PTPRG: variants seen among roughly 807,000 people sequenced by gnomAD.
PTPRG encodes receptor-type tyrosine-protein phosphatase gamma.
In PTPRG, 102 loss-of-function variants were observed where a neutral mutation model predicts 165.3. That is an observed-to-expected ratio of 0.62 (90% CI 0.53 to 0.73). The LOEUF (loss-of-function observed/expected upper bound fraction) is 0.73. PTPRG is among the 30% of genes least tolerant of loss of function. The pLI, the probability that PTPRG is intolerant of heterozygous loss-of-function variation, is 0.00. For synonymous variants in PTPRG, 675 were observed against 669.5 expected (o/e 1.01, Z -0.13); for missense variants, 1,866 against 1,861.4 (o/e 1.00, Z -0.05).
rs141911595 is a variant in PTPRG at position 62,127,789 on chromosome 3, C to T, written c.616-4813C>T. On this transcript the variant is annotated intron_variant, in intron 5 of 29. Transcript: ENST00000474889. ...AAGTAAATGGCAGCACATATCTGAA[C>T]GCAGGCACATGTCGTCTGATGGGGT... is the stretch of plus-strand genomic sequence containing the variant. Among the ~76,000 whole-genome samples the T allele has an allele frequency of 8.1e-3, 1,237 of 152,250 alleles. 9 individuals carry two copies. The highest frequency in any genetic ancestry group is 9.8e-3 in the Non-Finnish European group (668 of 68,018).
At chr3:61,914,696 G>T (rs2038890677) in intron 2 of PTPRG, among the ~76,000 whole-genome samples, 1 of 152,148 alleles carries the variant, frequency 6.6e-6, no homozygotes, top group Middle Eastern at 3.4e-3. Context: ...TTATTTCCAA[G>T]AAATTACAAT....
At chr3:62,089,098 A>G (rs981008723) in intron 5 of PTPRG, among the ~76,000 whole-genome samples, 9 of 152,284 alleles carry the variant, frequency 5.9e-5, no homozygotes, top group South Asian at 2.1e-4. Context: ...AACATTTATG[A>G]TATGTCTCAA....
chr3:61,569,348 C>T (rs1700000907), intron 1 of PTPRG, among the ~76,000 whole-genome samples: 1 of 152,186 alleles, frequency 6.6e-6, no homozygotes, highest in East Asian at 1.9e-4. Flanking sequence ...TTTTCTTCCT[C>T]TGTGAAATGG....
chr3:62,132,587 T>C lies in PTPRG; in HGVS notation c.616-15T>C. The C allele has an allele frequency of 2.5e-6, 4 of 1,586,344 alleles. No individual in the cohort carries two copies. Among genetic ancestry groups the C allele is most frequent in the Non-Finnish European group, 3.5e-6 (4 of 1,154,672 alleles). ...CCAGAATAGATTTAACCAATCATGTTTCCTTTACATTTAGGTCAGTCCGAG... is the reference window on the plus strand; with the variant it reads ...CCAGAATAGATTTAACCAATCATGTCTCCTTTACATTTAGGTCAGTCCGAG... On this transcript the variant is annotated splice_polypyrimidine_tract_variant and intron_variant, in intron 5 of 29. Coordinates refer to ENST00000474889, the MANE Select transcript of PTPRG (RefSeq NM_002841.4).
At chr3:61,681,437 G>C (rs1703437899) in intron 1 of PTPRG, among the ~76,000 whole-genome samples, 1 of 152,188 alleles carries the variant, frequency 6.6e-6, no homozygotes, top group African/African-American at 2.4e-5. Context: ...TCTGCTTTCA[G>C]TTTGTCCTGA....
intron 21 of PTPRG, among the ~76,000 whole-genome samples, chr3:62,272,567 G>T (rs916666970): frequency 1.3e-5 from 2 of 152,152 alleles, no homozygotes; most frequent in Non-Finnish European, 2.9e-5. Context: ...GTTTAGGCTG[G>T]GAGTGGTGGC....
intron 1 of PTPRG, among the ~76,000 whole-genome samples, chr3:61,583,786 A>G (rs961082599): frequency 2.0e-5 from 3 of 151,962 alleles, no homozygotes; most frequent in African/African-American, 7.3e-5. Flanking sequence ...GCTCAGAGCC[A>G]CTCTGATCCT....
chr3:62,007,066 A>G lies in PTPRG; in HGVS notation c.519+3569A>G, dbSNP rs149865047. 8.4e-3 allele frequency among the ~76,000 whole-genome samples: 1,280 copies of G among 152,242 alleles called. 26 individuals are homozygous for G. The highest frequency in any genetic ancestry group is 0.03 in the African/African-American group (1,230 of 41,538). ...CATTGCTGTTCCTGGTTTCTTTAGT[A>G]TCTACTTGAGATGCAGTCACGACCT... On this transcript the variant is annotated intron_variant, in intron 4 of 29. Coordinates refer to ENST00000474889, the MANE Select transcript of PTPRG (RefSeq NM_002841.4).
At position 62,293,154 on chromosome 3, in the gene PTPRG, T is replaced by C. The variant is rs375561414; in HGVS notation, c.4192-7T>C. On this transcript the variant is annotated splice_polypyrimidine_tract_variant and splice_region_variant and intron_variant, in intron 29 of 29. Coordinates refer to ENST00000474889, the MANE Select transcript of PTPRG (RefSeq NM_002841.4). ...TTGGCTCAAACTGTCTTCCTCTTGT[T>C]TTTCAGGAACAATACCAGTTCATCT... 1.5e-5 allele frequency: 24 copies of C among 1,567,426 alleles called. No individual in the cohort carries two copies. Among genetic ancestry groups the C allele is most frequent in the Admixed American group, 2.0e-5 (1 of 50,238 alleles).
chr3:61,611,884 A>G (rs1005132582), intron 1 of PTPRG, among the ~76,000 whole-genome samples: 1 of 152,230 alleles, frequency 6.6e-6, no homozygotes, highest in African/African-American at 2.4e-5. Context: ...ATCCTTCTTT[A>G]CATGAGGACT....
chr3:62,058,800 A>G (rs1238704307), intron 4 of PTPRG, among the ~76,000 whole-genome samples: 2 of 152,208 alleles, frequency 1.3e-5, no homozygotes, highest in Non-Finnish European at 2.9e-5. Flanking sequence ...ACTAGGTCCA[A>G]GAAGAAAGAA....
chr3:62,063,935 C>T (rs924835119), intron 4 of PTPRG, among the ~76,000 whole-genome samples: 7 of 152,132 alleles, frequency 4.6e-5, no homozygotes, highest in East Asian at 1.9e-4. Context: ...GAAGATTACA[C>T]CCTGCGTGAT....
chr3:62,095,596 G>C (rs553370049), intron 5 of PTPRG, among the ~76,000 whole-genome samples: 2 of 152,294 alleles, frequency 1.3e-5, no homozygotes, highest in East Asian at 3.9e-4. Context: ...GAGAATACCT[G>C]TGTGGCCTTG....
chr3:61,616,494 A>G (rs1701300896), intron 1 of PTPRG, among the ~76,000 whole-genome samples: 1 of 152,060 alleles, frequency 6.6e-6, no homozygotes, highest in Admixed American at 6.6e-5. Flanking sequence ...TGTTTTGAAT[A>G]TGTTTATTTA....
chr3:62,141,839 G>T (rs771840904), intron 6 of PTPRG, among the ~76,000 whole-genome samples: 1 of 151,294 alleles, frequency 6.6e-6, no homozygotes, highest in Non-Finnish European at 1.5e-5. Flanking sequence ...AACCCAGGAG[G>T]TTGAGGCTGC....
chr3:62,134,819 CAAAT>C (rs1703645289), intron 6 of PTPRG, among the ~76,000 whole-genome samples: 1 of 151,826 alleles, frequency 6.6e-6, no homozygotes, highest in Non-Finnish European at 1.5e-5. Flanking sequence ...AGTAAGCATA[CAAAT>C]AAATAAGTGA....
intron 2 of PTPRG, among the ~76,000 whole-genome samples, chr3:61,814,565 G>C (rs2035698095): frequency 6.6e-6 from 1 of 151,844 alleles, no homozygotes; most frequent in Non-Finnish European, 1.5e-5. Flanking sequence ...CTGCTCTGAA[G>C]ATTTTCTCAG....
chr3:61,973,430 G>A (rs1203721628), intron 2 of PTPRG, among the ~76,000 whole-genome samples: 1 of 152,178 alleles, frequency 6.6e-6, no homozygotes, highest in Non-Finnish European at 1.5e-5. Flanking sequence ...AAGGAAAAAT[G>A]TATGTGCTGT....
intron 2 of PTPRG, among the ~76,000 whole-genome samples, chr3:61,803,055 T>G (rs2035296767): frequency 6.6e-6 from 1 of 152,210 alleles, no homozygotes; most frequent in Non-Finnish European, 1.5e-5. Flanking sequence ...CACATTCATT[T>G]GTTTACATAT....
Sources: allele counts gnomAD v4.1 joint callset (sites outside exome capture counted in the v4.1 genomes callset), GRCh38; gene constraint gnomAD v4.1.1; transcripts MANE v1.5; gene names NCBI Gene and HGNC (gene_info 2026-07-23, HGNC 2026-07-21).